Variants in DNAH12 observed in about 807,000 individuals in gnomAD.
DNAH12 encodes dynein axonemal heavy chain 12, also known as axonemal beta dynein heavy chain 12.
In DNAH12, 285 loss-of-function variants were observed where a neutral mutation model predicts 371.5. The ratio of observed to expected loss-of-function variants is 0.77; its 90% CI spans 0.70 to 0.85. DNAH12 has a LOEUF of 0.85. Ranked by LOEUF, DNAH12 falls within the 40% of genes least tolerant of loss-of-function variation. DNAH12 has a pLI of 0.00. For synonymous variants in DNAH12, 1,200 were observed against 1,213.0 expected, an observed-to-expected ratio of 0.99 and a Z score of 0.22; for missense variants, 3,611 against 3,689.4, an observed-to-expected ratio of 0.98 and a Z score of 0.55.
At chr3:57,330,934 A>G (rs1247661266) in intron 62 of DNAH12, among the ~76,000 whole-genome samples, 1 of 152,090 alleles carries the variant, frequency 6.6e-6, no homozygotes, top group Admixed American at 6.6e-5. Context: ...CTGTTGTTTT[A>G]TTTCTCTGGA....
At chr3:57,326,358 C>T (rs550830193) in intron 62 of DNAH12, among the ~76,000 whole-genome samples, 2 of 152,338 alleles carry the variant, frequency 1.3e-5, no homozygotes, top group East Asian at 3.9e-4. Context: ...AACAGCTGAG[C>T]TCTCGGCAGA....
rs186316280 is a variant in DNAH12, at chr3:57,424,703, G to A, written c.5373+319C>T. ...AGGGAGGAGAATCACTTAAACCTGGGGGAGGTGGGGGGTGGAGGTTGTATT... is the reference window on the plus strand; with the variant it reads ...AGGGAGGAGAATCACTTAAACCTGGAGGAGGTGGGGGGTGGAGGTTGTATT... On this transcript the variant is annotated intron_variant, in intron 35 of 73. Coordinates refer to ENST00000495027, the MANE Select transcript of DNAH12 (RefSeq NM_001366028.2). 1.8e-4 allele frequency among the ~76,000 whole-genome samples: 28 copies of A among 151,662 alleles called. No homozygotes were observed. In the East Asian group the frequency reaches 5.3e-3, roughly 28 times the overall value.
Position 57,453,306 on chromosome 3 carries a change from C to G in DNAH12, c.3554G>C (p.Gly1185Ala). ...ATGGACATCAATAGTAACCAAAGCCCCCAGAGTGGTCCTGGTCTGCTTAGA... is the reference window on the plus strand; with the variant it reads ...ATGGACATCAATAGTAACCAAAGCCGCCAGAGTGGTCCTGGTCTGCTTAGA... The part of the protein sequence containing the change: ...KLSKQTRTTL[G>A]ALVTIDVHAR... Residue 1185 changes from glycine (G) to alanine (A), a missense_variant, in exon 24 of 74, where the codon GGG (glycine) becomes GCG (alanine). Coordinates refer to ENST00000495027, the MANE Select transcript of DNAH12 (RefSeq NM_001366028.2). 1 of 1,550,936 alleles carries G rather than the reference C, an allele frequency of 6.4e-7. No individual in the cohort carries two copies. Among genetic ancestry groups the G allele is most frequent in the Non-Finnish European group, 8.7e-7 (1 of 1,146,790 alleles).
chr3:57,393,947 A>G (rs968359034), intron 44 of DNAH12, among the ~76,000 whole-genome samples: 6 of 152,276 alleles, frequency 3.9e-5, no homozygotes, highest in Admixed American at 3.9e-4. Flanking sequence ...GGTGAAACAA[A>G]CTGCCATTAT....
chr3:57,517,737 C>CT (rs1478909367), intron 4 of DNAH12, among the ~76,000 whole-genome samples: 1 of 152,106 alleles, frequency 6.6e-6, no homozygotes, highest in Non-Finnish European at 1.5e-5. Flanking sequence ...AAGTGATGTA[C>CT]TTTCAAAATT....
the DNAH12 span, among the ~76,000 whole-genome samples, chr3:57,554,316 T>C: frequency 6.6e-6 from 1 of 151,092 alleles, no homozygotes; most frequent in African/African-American, 2.5e-5. Flanking sequence ...AATAATTACA[T>C]GGAGGCCAAT....
In DNAH12 at chr3:57,405,025, C is replaced by G. The variant is rs782519825; in HGVS notation, c.6699G>C (p.Gln2233His). The stretch of plus-strand genomic sequence containing the variant: ...GTGTTTGATTATACTCATCTAAGCA[C>G]TGGTCCACAACATCACTAAAATGAT... ...NIHHFSDVVD[Q>H]CLDEYNQTHK... Residue 2233 changes from glutamine (Q) to histidine (H), a missense_variant, in exon 42 of 74, where the codon CAG becomes CAC. Gln to His is a conservative substitution (Grantham distance 24). Around this residue, in one of 3 missense-constraint regions of DNAH12, gnomAD observed 2,266 missense variants for 2,236.9 expected, o/e 1.01. Coordinates refer to ENST00000495027, the MANE Select transcript of DNAH12 (RefSeq NM_001366028.2). 21 of 1,543,404 alleles carry G rather than the reference C, an allele frequency of 1.4e-5. No homozygotes were observed. The highest frequency in any genetic ancestry group is 4.1e-5 in the Admixed American group (2 of 48,978).
intron 29 of DNAH12, among the ~76,000 whole-genome samples, chr3:57,440,477 G>A (rs1340140651): frequency 2.6e-5 from 4 of 152,128 alleles, no homozygotes; most frequent in Non-Finnish European, 5.9e-5. Context: ...CAAACACTGG[G>A]TACTCATGAA....
intron 69 of DNAH12, among the ~76,000 whole-genome samples, chr3:57,303,408 CTTTTT>C (rs1251414723): frequency 6.6e-5 from 9 of 137,378 alleles, no homozygotes; most frequent in Admixed American, 1.4e-4. Context: ...TCTTTCTTTT[CTTTTT>C]CTTTTTTTTT....
chr3:57,403,485 A>C lies in DNAH12; in HGVS notation c.6772T>G (p.Leu2258Val). ...TTTAGAACTCGACATATTCTTGATA[A>C]ATGTTCCAAAACATACCTACCACAA... ...LVIFRYVLEH[L>V]SRICRVLKQS... The change falls in exon 43 of 74, where the codon TTA becomes GTA. Residue 2258 changes from leucine (L) to valine (V), a missense_variant. Physicochemically the swap from Leu to Val is conservative, Grantham distance 32. Coordinates refer to ENST00000495027, the MANE Select transcript of DNAH12 (RefSeq NM_001366028.2). 1 of 1,548,398 alleles carries C rather than the reference A, an allele frequency of 6.5e-7. No homozygotes were observed. The highest frequency in any genetic ancestry group is 1.2e-5 in the South Asian group (1 of 83,048).
intron 67 of DNAH12, among the ~76,000 whole-genome samples, chr3:57,310,483 A>G (rs2061562470): frequency 6.6e-6 from 1 of 152,172 alleles, no homozygotes; most frequent in Admixed American, 6.5e-5. Context: ...CCTTTCCTAC[A>G]ATACATGAAT....
At position 57,470,188 on chromosome 3, in the gene DNAH12, A is replaced by C. The variant is rs1196995399; in HGVS notation, c.2105+255T>G. On this transcript the variant is annotated intron_variant, in intron 16 of 73. Coordinates refer to ENST00000495027, the MANE Select transcript of DNAH12 (RefSeq NM_001366028.2). ...CCGACATTGTAACAACGTTTGAGGG[A>C]GGCATATCTCTCACACATGAGCATG... Among the ~76,000 whole-genome samples, 4 of 152,116 alleles carry C rather than the reference A, an allele frequency of 2.6e-5. No individual in the cohort carries two copies. The East Asian group carries it at 7.7e-4, about 29-fold the overall frequency.
At chr3:57,524,073 T>G (rs1378522966) in intron 2 of DNAH12, among the ~76,000 whole-genome samples, 189 bp from the exon 3 acceptor site, 1 of 152,178 alleles carries the variant, frequency 6.6e-6, no homozygotes. Context: ...TGCATATATA[T>G]GTAACAGGGT....
rs2064284968 is a variant in DNAH12 at position 57,413,930 on chromosome 3, A to C, written c.5854-18T>G. 1.3e-6 allele frequency: 2 copies of C among 1,546,088 alleles called. No homozygotes were observed. The highest frequency in any genetic ancestry group is 1.7e-6 in the Non-Finnish European group (2 of 1,144,606). ...ATAATGTTCTAAAATATGAAGGAAG[A>C]ATGGTATATTTACCTATAATTGAAT... On this transcript the variant is annotated intron_variant, in intron 38 of 73. Transcript: ENST00000495027.
chr3:57,386,349 A>T (rs2063499438), intron 47 of DNAH12, 92 bp downstream of exon 47: 1 of 151,940 alleles, frequency 6.6e-6, no homozygotes. Flanking sequence ...AGAGCCTGGC[A>T]TATCACATAT....
chr3:57,389,481 C>T (rs909846881), intron 45 of DNAH12, among the ~76,000 whole-genome samples: 3 of 152,024 alleles, frequency 2.0e-5, no homozygotes, highest in Non-Finnish European at 4.4e-5. Context: ...CAAGTATTCA[C>T]GTTCTTTCCG....
intron 5 of DNAH12, 124 bp from the exon 6 acceptor site, chr3:57,509,336 A>T: frequency 6.9e-6 from 6 of 872,476 alleles, no homozygotes; most frequent in South Asian, 6.2e-5. Context: ...GTAAGAAAAA[A>T]CTCCTTTATT....
At chr3:57,315,694 G>C (rs559905349) in intron 65 of DNAH12, among the ~76,000 whole-genome samples, 7 of 152,164 alleles carry the variant, frequency 4.6e-5, no homozygotes, top group Admixed American at 1.3e-4. Flanking sequence ...AAGGAGTAGG[G>C]AAAGGGAGGC....
In DNAH12 at chr3:57,323,615, G is replaced by A; in HGVS notation, c.9983C>T (p.Thr3328Ile). The stretch of plus-strand genomic sequence containing the variant: ...AGTTACATAGTTTGTTATAGCTGGG[G>A]TTATCTGTTGAAGAGAAAAGATATG... ...ILRCLRPDKI[T>I]PAITNYVTDK... The change falls in exon 63 of 74, where the codon ACC (threonine) becomes ATC (isoleucine). Residue 3328 changes from threonine (T) to isoleucine (I), a missense_variant. Physicochemically the swap from Thr to Ile is moderately conservative, Grantham distance 89. This residue lies in a region of DNAH12 where 2,266 missense variants were observed against 2,236.9 expected (regional missense o/e 1.01). Coordinates refer to ENST00000495027, the MANE Select transcript of DNAH12 (RefSeq NM_001366028.2). 5.8e-6 allele frequency: 9 copies of A among 1,538,530 alleles called. No individual in the cohort carries two copies. The highest frequency in any genetic ancestry group is 7.9e-6 in the Non-Finnish European group (9 of 1,143,122).
Sources: allele counts gnomAD v4.1 joint callset (sites outside exome capture counted in the v4.1 genomes callset), GRCh38; gene constraint gnomAD v4.1.1; regional missense constraint gnomAD v4.1.1; transcripts MANE v1.5; gene names NCBI Gene and HGNC (gene_info 2026-07-23, HGNC 2026-07-21).